The following MRPL22 variants were observed in gnomAD, a reference collection of about 807,000 sequenced individuals.
MRPL22 encodes large ribosomal subunit protein uL22m.
MRPL22 carries 27 observed loss-of-function variants against 32.4 expected under a neutral mutation model. That is an observed-to-expected ratio of 0.83 (90% confidence interval 0.61 to 1.15). The LOEUF (loss-of-function observed/expected upper bound fraction) is 1.15. MRPL22 is among the 50% of genes most tolerant of loss of function. MRPL22 has a pLI of 0.00. For synonymous variants in MRPL22, 86 were observed against 87.3 expected (o/e 0.99, Z 0.08); for missense variants, 239 against 260.2 (o/e 0.92, Z 0.56).
rs1039966027 is a variant in MRPL22 at position 154,950,836 on chromosome 5, A to G, written c.93A>G (p.Ser31=). The part of the protein sequence containing the change: ...GKLALGVLPQ[S]YIHTSASLDI... ...CATTTCACAGTGTTTTACCTCAATCATATATCCACACAAGTGCTTCTCTTG... is the reference window on the plus strand; with the variant it reads ...CATTTCACAGTGTTTTACCTCAATCGTATATCCACACAAGTGCTTCTCTTG... Residue 31 remains serine, a synonymous_variant, in exon 3 of 7, where the codon TCA becomes TCG. Coordinates refer to ENST00000523037, the MANE Select transcript of MRPL22 (RefSeq NM_014180.4). The G allele has an allele frequency of 6.2e-7, 1 of 1,609,562 alleles. No individual in the cohort carries two copies. Among genetic ancestry groups the G allele is most frequent in the Admixed American group, 1.7e-5 (1 of 59,948 alleles).
At position 154,941,153 on chromosome 5, in the gene MRPL22, G is replaced by C; in HGVS notation, c.28+15G>C. 1 of 1,614,172 alleles carries C rather than the reference G, an allele frequency of 6.2e-7. No individual in the cohort carries two copies. Among genetic ancestry groups the C allele is most frequent in the Non-Finnish European group, 8.5e-7 (1 of 1,180,036 alleles). ...GGGACAGTTGGGTAAGGATTTCTTA[G>C]TGGTTAAGCGACAGAAGGGAGTCGA... On this transcript the variant is annotated intron_variant, in intron 1 of 6. Coordinates refer to ENST00000523037, the MANE Select transcript of MRPL22 (RefSeq NM_014180.4).
intron 6 of MRPL22, among the ~76,000 whole-genome samples, chr5:154,963,346 A>G (rs1222462276): frequency 6.6e-6 from 1 of 152,222 alleles, no homozygotes; most frequent in Non-Finnish European, 1.5e-5. Context: ...CTTTCATTCA[A>G]AAAGTATTTG....
chr5:154,945,470 A>G (rs977808805), intron 2 of MRPL22, among the ~76,000 whole-genome samples: 3 of 152,236 alleles, frequency 2.0e-5, no homozygotes, highest in African/African-American at 7.2e-5. Flanking sequence ...ACGAGTAGGC[A>G]ATTGGGTATA....
Position 154,950,935 on chromosome 5 carries a change from A to T in MRPL22, c.192A>T (p.Pro64=). 1 of 1,590,154 alleles carries T rather than the reference A, an allele frequency of 6.3e-7. No individual in the cohort carries two copies. Among genetic ancestry groups the T allele is most frequent in the Non-Finnish European group, 8.6e-7 (1 of 1,158,914 alleles). Residue 64 remains proline, a synonymous_variant, in exon 3 of 7, where the codon CCA becomes CCT. Coordinates refer to ENST00000523037, the MANE Select transcript of MRPL22 (RefSeq NM_014180.4). ...PPQLPGEPRR[P]AEIYHCRRQI... ...AACTGCCTGGAGAACCTCGGAGACC[A>T]GCAGTAAGTTCGTGGGTAGAACTAA...
chr5:154,942,682 C>T (rs753249421), intron 2 of MRPL22, among the ~76,000 whole-genome samples: 80 of 152,340 alleles, frequency 5.3e-4, no homozygotes, highest in African/African-American at 1.4e-3. Context: ...TTCTCTAAAA[C>T]GGAAAGAAAT....
intron 5 of MRPL22, among the ~76,000 whole-genome samples, chr5:154,957,600 A>AT (rs141410965): frequency 8.1e-4 from 122 of 150,138 alleles, no homozygotes; most frequent in African/African-American, 2.5e-3. Context: ...TTTTTTGAAG[A>AT]TTTTTTTTTT....
intron 3 of MRPL22, among the ~76,000 whole-genome samples, chr5:154,952,444 C>A (rs1174372052): frequency 6.6e-6 from 1 of 152,042 alleles, no homozygotes; most frequent in Admixed American, 6.6e-5. Flanking sequence ...TTTTTTGTAT[C>A]ATTTATCCTT....
chr5:154,953,681 CTTTTTTTTTT>C (rs772873962), intron 3 of MRPL22, among the ~76,000 whole-genome samples: 1 of 107,098 alleles, frequency 9.3e-6, no homozygotes, highest in Admixed American at 1.0e-4. Flanking sequence ...CTAGTAAGAA[CTTTTTTTTTT>C]TTTTTTTTTT....
chr5:154,942,007 T>A (rs951431343), intron 2 of MRPL22, among the ~76,000 whole-genome samples: 3 of 152,268 alleles, frequency 2.0e-5, no homozygotes, highest in Non-Finnish European at 2.9e-5. Context: ...TTTTTAACTG[T>A]GATCTTGGAA....
At position 154,968,979 on chromosome 5, in the gene MRPL22, T is replaced by G. The variant is rs918009072; in HGVS notation, c.*2082T>G. On this transcript the variant is annotated 3_prime_UTR_variant, in exon 7 of 7. Transcript: ENST00000523037. ...TATATATACATTATCTCAATGAATC[T>G]TTCCCATTGTGACATCCGGCTAGTT... The G allele has an allele frequency of 3.9e-5, 6 of 152,264 alleles. No individual in the cohort carries two copies. The highest frequency in any genetic ancestry group is 7.3e-5 in the Non-Finnish European group (5 of 68,048). 9.4% of individuals were successfully genotyped at this position (152,264 alleles called of 1,614,324 possible).
At chr5:154,952,992 G>A (rs1030794167) in intron 3 of MRPL22, among the ~76,000 whole-genome samples, 6 of 152,098 alleles carry the variant, frequency 3.9e-5, no homozygotes, top group East Asian at 3.8e-4. Flanking sequence ...GACTAACTTC[G>A]TAGTTTAGCT....
At chr5:154,945,500 G>A (rs1348130068) in intron 2 of MRPL22, among the ~76,000 whole-genome samples, 1 of 152,214 alleles carries the variant, frequency 6.6e-6, no homozygotes, top group East Asian at 1.9e-4. Context: ...AGAGTTCAGG[G>A]AACGGATGTA....
At chr5:154,942,372 C>T (rs542911038) in intron 2 of MRPL22, among the ~76,000 whole-genome samples, 2 of 152,296 alleles carry the variant, frequency 1.3e-5, no homozygotes, top group East Asian at 3.9e-4. Flanking sequence ...TAAATTATTA[C>T]TGAGTTCCCA....
intron 3 of MRPL22, among the ~76,000 whole-genome samples, chr5:154,952,037 C>T (rs946286042): frequency 3.3e-5 from 5 of 151,940 alleles, no homozygotes; most frequent in Non-Finnish European, 5.9e-5. Context: ...CGCCTGCCAC[C>T]ATCCCGGCTA....
intron 5 of MRPL22, 94 bp from the exon 6 acceptor site, chr5:154,959,886 G>A: frequency 1.3e-6 from 1 of 783,506 alleles, no homozygotes; most frequent in Non-Finnish European, 2.1e-6. Flanking sequence ...CATGTGATTA[G>A]CAGTCATAGT....
At chr5:154,958,808 G>A (rs1764665549) in intron 5 of MRPL22, among the ~76,000 whole-genome samples, 1 of 152,048 alleles carries the variant, frequency 6.6e-6, no homozygotes, top group South Asian at 2.1e-4. Context: ...GCCTGCCAAA[G>A]TGCTGGGATT....
At chr5:154,956,809 T>C (rs760873124) in intron 4 of MRPL22, 4 of 336,610 alleles carry the variant, frequency 1.2e-5, no homozygotes, top group African/African-American at 2.1e-5. Context: ...AAGCAGCAAA[T>C]ATACATGTAA....
At chr5:154,943,389 C>T (rs1038415180) in intron 2 of MRPL22, among the ~76,000 whole-genome samples, 42 of 151,688 alleles carry the variant, frequency 2.8e-4, no homozygotes, top group African/African-American at 1.0e-3. Flanking sequence ...AGGCATGAGC[C>T]GCCAGGAAAC....
chr5:154,963,475 A>G (rs892933939), intron 6 of MRPL22, among the ~76,000 whole-genome samples: 9 of 152,228 alleles, frequency 5.9e-5, no homozygotes, highest in East Asian at 1.9e-4. Context: ...AAGAATGCAT[A>G]CATTGTTCTT....
Sources: allele counts gnomAD v4.1 joint callset (sites outside exome capture counted in the v4.1 genomes callset), GRCh38; gene constraint gnomAD v4.1.1; transcripts MANE v1.5; gene names NCBI Gene and HGNC (gene_info 2026-07-23, HGNC 2026-07-21).